PIK3R6: variants seen among roughly 807,000 people sequenced by gnomAD.
PIK3R6 encodes phosphoinositide-3-kinase regulatory subunit 6, also known as phosphoinositide 3-kinase regulatory subunit 6.
A neutral mutation model predicts 84.9 loss-of-function variants in PIK3R6; 91 were observed. The observed-to-expected ratio is 1.07, with a 90% CI of 0.90 to 1.28. The LOEUF is 1.28. Ranked by LOEUF, PIK3R6 falls within the 50% of genes most tolerant of loss-of-function variation. The pLI is 0.00. For synonymous variants in PIK3R6, 416 were observed against 411.4 expected (o/e 1.01, Z -0.13); for missense variants, 996 against 985.1 (o/e 1.01, Z -0.15).
intron 1 of PIK3R6, among the ~76,000 whole-genome samples, chr17:8,861,644 T>C (rs2089289577): frequency 6.6e-6 from 1 of 152,232 alleles, no homozygotes; most frequent in Non-Finnish European, 1.5e-5. Context: ...CTAGCCATCA[T>C]GGTTATCAGA....
chr17:8,860,632 A>G lies in PIK3R6; in HGVS notation c.-92+6897T>C, dbSNP rs576081327. Among the ~76,000 whole-genome samples, 8 of 152,270 alleles carry G rather than the reference A, an allele frequency of 5.3e-5. No homozygotes were observed. The South Asian group carries it at 1.7e-3, about 32-fold the overall frequency. On this transcript the variant is annotated intron_variant, in intron 1 of 19. Coordinates refer to ENST00000619866, the MANE Select transcript of PIK3R6 (RefSeq NM_001010855.4). Reference sequence around the variant, plus strand: ...AAATTTGAATCTGTGGCCAACATTTAAAAGTCATATTTCATATAAAAATCA... The same window carrying G: ...AAATTTGAATCTGTGGCCAACATTTGAAAGTCATATTTCATATAAAAATCA...
In PIK3R6 at chr17:8,809,557, C is replaced by T. The variant is rs76346174; in HGVS notation, c.1996-5404G>A. 1.8e-3 allele frequency among the ~76,000 whole-genome samples: 277 copies of T among 152,170 alleles called. 15 individuals carry two copies. The East Asian group carries it at 0.049, about 27-fold the overall frequency. Reference sequence around the variant, plus strand: ...CACTTTGGGATGCTTGAGTTCCAGGCATTAAAGTAGGAGGATCACTTGAGT... The same window carrying T: ...CACTTTGGGATGCTTGAGTTCCAGGTATTAAAGTAGGAGGATCACTTGAGT... On this transcript the variant is annotated intron_variant, in intron 18 of 19. Transcript: ENST00000619866.
chr17:8,812,895 A>G (rs1373204689), intron 18 of PIK3R6, among the ~76,000 whole-genome samples: 5 of 152,120 alleles, frequency 3.3e-5, no homozygotes, highest in Non-Finnish European at 7.3e-5. Flanking sequence ...AATAACAAAG[A>G]TCAGAGCAGA....
intron 10 of PIK3R6, among the ~76,000 whole-genome samples, chr17:8,829,300 A>C (rs2088095141): frequency 1.9e-5 from 1 of 52,932 alleles, no homozygotes; most frequent in African/African-American, 8.7e-5. Context: ...ATGCATACAC[A>C]CACACTGACA....
chr17:8,859,343 C>T (rs531916239), intron 1 of PIK3R6, among the ~76,000 whole-genome samples: 84 of 152,312 alleles, frequency 5.5e-4, no homozygotes, highest in African/African-American at 1.7e-3. Flanking sequence ...TCATAATGAC[C>T]GCAGGGTGGC....
In PIK3R6 at chr17:8,808,073, C is replaced by T. The variant is rs141415990; in HGVS notation, c.1996-3920G>A. Among the ~76,000 whole-genome samples the T allele has an allele frequency of 2.3e-4, 35 of 152,100 alleles. 1 individual carries two copies. The East Asian group carries it at 6.2e-3, about 27-fold the overall frequency. Reference sequence around the variant, plus strand: ...GGGAGAGATTTGAGAAGTGTTCCATCGGGACAAAGGAAAGTGAGGAAGAGG... The same window carrying T: ...GGGAGAGATTTGAGAAGTGTTCCATTGGGACAAAGGAAAGTGAGGAAGAGG... On this transcript the variant is annotated intron_variant, in intron 18 of 19. Coordinates refer to ENST00000619866, the MANE Select transcript of PIK3R6 (RefSeq NM_001010855.4).
intron 8 of PIK3R6, among the ~76,000 whole-genome samples, chr17:8,835,043 G>T (rs1440643946): frequency 6.6e-6 from 1 of 152,182 alleles, no homozygotes; most frequent in African/African-American, 2.4e-5. Context: ...TCGCCATGTT[G>T]GCCAGGCTGG....
Position 8,804,028 on chromosome 17 carries a change from G to A in PIK3R6, c.2108+13C>T. 1 of 1,609,062 alleles carries A rather than the reference G, an allele frequency of 6.2e-7. No individual in the cohort carries two copies. Among genetic ancestry groups the A allele is most frequent in the Non-Finnish European group, 8.5e-7 (1 of 1,175,534 alleles). ...GGGCCCTGGACATCTAGGGTTGGCA[G>A]GCCCAGCCTCACCTGACCACATCCC... On this transcript the variant is annotated intron_variant, in intron 19 of 19. Coordinates refer to ENST00000619866, the MANE Select transcript of PIK3R6 (RefSeq NM_001010855.4).
At chr17:8,829,011 C>T (rs1204096538) in intron 10 of PIK3R6, 21 bp from the exon 11 acceptor site, 2 of 1,490,830 alleles carry the variant, frequency 1.3e-6, no homozygotes, top group Non-Finnish European at 1.8e-6. Flanking sequence ...GGAACAAGGG[C>T]GGTGAGGACA....
At chr17:8,849,531 A>G (rs1400194255) in intron 2 of PIK3R6, among the ~76,000 whole-genome samples, 3 of 152,242 alleles carry the variant, frequency 2.0e-5, no homozygotes, top group Non-Finnish European at 2.9e-5. Flanking sequence ...TTGGCAATCA[A>G]TCTTGGCTAT....
intron 18 of PIK3R6, among the ~76,000 whole-genome samples, chr17:8,807,118 A>G (rs2087227902): frequency 6.6e-6 from 1 of 152,264 alleles, no homozygotes; most frequent in Non-Finnish European, 1.5e-5. Flanking sequence ...AAATAGGTCC[A>G]CTTTGGAGCC....
At position 8,819,172 on chromosome 17, in the gene PIK3R6, G is replaced by T. The variant is rs778595675; in HGVS notation, c.1906C>A (p.Pro636Thr). The change falls in exon 18 of 20, where the codon CCT becomes ACT. Residue 636 changes from proline to threonine, a missense_variant. Pro to Thr is a conservative substitution (Grantham distance 38). Transcript: ENST00000619866. Reference sequence around the variant, plus strand: ...GTGTGGTCTGTGACAGGAGCAGCAGGCAGGGGGCAATGGCTAGACCCTGAA... The same window carrying T: ...GTGTGGTCTGTGACAGGAGCAGCAGTCAGGGGGCAATGGCTAGACCCTGAA... ...EVSGSSHCPL[P>T]AAPVTDHTCL... The T allele has an allele frequency of 6.2e-7, 1 of 1,609,902 alleles. No individual in the cohort carries two copies. The highest frequency in any genetic ancestry group is 2.2e-5 in the East Asian group (1 of 44,852).
intron 12 of PIK3R6, 111 bp from the exon 13 acceptor site, chr17:8,827,405 G>T: frequency 1.6e-6 from 2 of 1,280,708 alleles, no homozygotes; most frequent in Non-Finnish European, 2.1e-6. Flanking sequence ...ACCTCTTGGG[G>T]CATGAATTTC....
At chr17:8,834,655 G>A (rs2088391279) in intron 8 of PIK3R6, among the ~76,000 whole-genome samples, 1 of 151,468 alleles carries the variant, frequency 6.6e-6, no homozygotes, top group Non-Finnish European at 1.5e-5. Flanking sequence ...GGCCTCTCAA[G>A]TACCTGCAAT....
intron 19 of PIK3R6, 31 bp downstream of exon 19, chr17:8,804,010 G>A: frequency 6.4e-7 from 1 of 1,573,564 alleles, no homozygotes; most frequent in Non-Finnish European, 8.7e-7. Context: ...CACGGGCCCT[G>A]GACATCTAGG....
intron 1 of PIK3R6, among the ~76,000 whole-genome samples, chr17:8,853,498 AATAATAAT>A (rs1315595024): frequency 1.5e-5 from 2 of 137,334 alleles, no homozygotes; most frequent in African/African-American, 2.8e-5. Context: ...AAAAAAAAAA[AATAATAAT>A]AATAATAATA....
At chr17:8,866,585 C>A (rs1204407707) in intron 1 of PIK3R6, among the ~76,000 whole-genome samples, 1 of 152,092 alleles carries the variant, frequency 6.6e-6, no homozygotes, top group Non-Finnish European at 1.5e-5. Context: ...CACACACCCC[C>A]TCTAGCTGTG....
At chr17:8,832,865 GC>G (rs777125961) in intron 9 of PIK3R6, 23 bp downstream of exon 9, 6 of 1,611,968 alleles carry the variant, frequency 3.7e-6, no homozygotes, top group African/African-American at 1.3e-5. Context: ...TCTTGCCAAG[GC>G]CCCCCATCTG....
Position 8,827,291 on chromosome 17 carries a change from G to A in PIK3R6, c.1396C>T (p.Pro466Ser), listed in dbSNP as rs767920375. Reference sequence around the variant, plus strand: ...AGCTCCGGCTGCCTGGATGCTGCAGGCTTCTGGGGGAAAGGGGATGGGGCA... The same window carrying A: ...AGCTCCGGCTGCCTGGATGCTGCAGACTTCTGGGGGAAAGGGGATGGGGCA... ...YYIPVLAPEK[P>S]AASRQPELGE... The change falls in exon 13 of 20, where the codon CCT (proline) becomes TCT (serine). Residue 466 changes from proline to serine, a missense_variant. Transcript: ENST00000619866. 28 of 1,553,060 alleles carry A rather than the reference G, an allele frequency of 1.8e-5. No homozygotes were observed. Among genetic ancestry groups the A allele is most frequent in the South Asian group, 9.5e-5 (8 of 84,216 alleles).
Sources: allele counts gnomAD v4.1 joint callset (sites outside exome capture counted in the v4.1 genomes callset), GRCh38; gene constraint gnomAD v4.1.1; transcripts MANE v1.5; gene names NCBI Gene and HGNC (gene_info 2026-07-23, HGNC 2026-07-21).